Variants in CFDP1 observed in about 807,000 individuals in gnomAD.
CFDP1 encodes the protein heterochromatin-stabilizing protein CFDP1.
CFDP1 carries 31 observed loss-of-function variants against 40.1 expected under a neutral mutation model. That is an observed-to-expected ratio of 0.77 (90% CI 0.58 to 1.04). The LOEUF (loss-of-function observed/expected upper bound fraction) is 1.04, where lower values mean the gene tolerates loss of function less well. Among genes scored for constraint, CFDP1 ranks in the 50% least tolerant of loss-of-function variants. CFDP1 has a pLI of 0.00. For missense variants in CFDP1, 423 were observed against 343.4 expected, an observed-to-expected ratio of 1.23 and a Z score of -1.83; for synonymous variants, 167 against 120.0, an observed-to-expected ratio of 1.39 and a Z score of -2.56.
chr16:75,409,064 G>T (rs1424487776), intron 4 of CFDP1, among the ~76,000 whole-genome samples: 3 of 151,740 alleles, frequency 2.0e-5, no homozygotes, highest in East Asian at 1.9e-4. Flanking sequence ...TCATCATGTT[G>T]TTCAGGCTGG....
In CFDP1 at chr16:75,370,346, G is replaced by T. The variant is rs540937154; in HGVS notation, c.650+24744C>A. Among the ~76,000 whole-genome samples, 42 of 152,122 alleles carry T rather than the reference G, an allele frequency of 2.8e-4. No individual in the cohort carries two copies. In the South Asian group the frequency reaches 3.7e-3, roughly 14 times the overall value. ...GACCTCAGGTGATCCACTGACCTTGGCCTCCCAAAGTGCTGGGATTACCAA... is the reference window on the plus strand; with the variant it reads ...GACCTCAGGTGATCCACTGACCTTGTCCTCCCAAAGTGCTGGGATTACCAA... On this transcript the variant is annotated intron_variant, in intron 5 of 6. Coordinates refer to ENST00000283882, the MANE Select transcript of CFDP1 (RefSeq NM_006324.3).
At position 75,414,565 on chromosome 16, in the gene CFDP1, A is replaced by C. The variant is rs779376610; in HGVS notation, c.182+13T>G. The C allele has an allele frequency of 6.5e-7, 1 of 1,540,588 alleles. No individual in the cohort carries two copies. Among genetic ancestry groups the C allele is most frequent in the Non-Finnish European group, 9.0e-7 (1 of 1,113,248 alleles). Reference sequence around the variant, plus strand: ...TAGCCCCTAACTTCTAAGGGCCTTGAAGGCAGCATCACCTGGCTGGAATGC... The same window carrying C: ...TAGCCCCTAACTTCTAAGGGCCTTGCAGGCAGCATCACCTGGCTGGAATGC... On this transcript the variant is annotated intron_variant, in intron 2 of 6. Coordinates refer to ENST00000283882, the MANE Select transcript of CFDP1 (RefSeq NM_006324.3).
At chr16:75,376,414 C>T (rs2078797022) in intron 5 of CFDP1, among the ~76,000 whole-genome samples, 1 of 152,096 alleles carries the variant, frequency 6.6e-6, no homozygotes, top group African/African-American at 2.4e-5. Context: ...AGCAATGAAC[C>T]ACTGATATAC....
intron 5 of CFDP1, among the ~76,000 whole-genome samples, chr16:75,356,886 T>C (rs1233847878): frequency 6.6e-6 from 1 of 151,578 alleles, no homozygotes; most frequent in Admixed American, 6.6e-5. Context: ...TGTACTTCCA[T>C]GTTATGGAAA....
chr16:75,412,068 T>G lies in CFDP1; in HGVS notation c.403-116A>C, dbSNP rs867493388. On this transcript the variant is annotated intron_variant, in intron 3 of 6. Transcript: ENST00000283882. ...TCTCACTCTGTAGCCCAAGCTGGAG[T>G]GCAGTAACACAATCTTGGCTCACTG... 1.2e-5 allele frequency: 13 copies of G among 1,097,630 alleles called. No individual in the cohort carries two copies. The South Asian group carries it at 1.7e-4, about 14-fold the overall frequency. 68.0% of individuals were successfully genotyped at this position (1,097,630 alleles called of 1,614,324 possible). A position where few individuals can be genotyped will look rare whatever the true frequency, so the allele number is the denominator to read the frequency against.
chr16:75,376,047 C>A (rs2078792778), intron 5 of CFDP1, among the ~76,000 whole-genome samples: 1 of 152,028 alleles, frequency 6.6e-6, no homozygotes, highest in Admixed American at 6.6e-5. Flanking sequence ...CCCATCTCTA[C>A]AAAAAAATTA....
At chr16:75,408,333 G>A (rs904796695) in intron 4 of CFDP1, among the ~76,000 whole-genome samples, 6 of 152,022 alleles carry the variant, frequency 3.9e-5, no homozygotes, top group Non-Finnish European at 8.8e-5. Context: ...CTGTGTGAAG[G>A]ATGGAAGGGT....
At chr16:75,343,472 G>A (rs2078540609) in intron 5 of CFDP1, among the ~76,000 whole-genome samples, 1 of 152,124 alleles carries the variant, frequency 6.6e-6, no homozygotes, top group Non-Finnish European at 1.5e-5. Flanking sequence ...TCATGTAGAT[G>A]AGAAACAAAC....
intron 1 of CFDP1, among the ~76,000 whole-genome samples, chr16:75,427,030 G>A (rs1380674325): frequency 7.0e-6 from 1 of 143,780 alleles, no homozygotes; most frequent in Admixed American, 7.3e-5. Context: ...ACTCCAGCCT[G>A]GGGGACAGCG....
intron 5 of CFDP1, among the ~76,000 whole-genome samples, chr16:75,341,486 T>G (rs1432775096): frequency 1.3e-5 from 2 of 152,178 alleles, no homozygotes; most frequent in Admixed American, 6.5e-5. Flanking sequence ...AAGAGAAGAT[T>G]GGTAGTTTTT....
intron 6 of CFDP1, among the ~76,000 whole-genome samples, chr16:75,299,872 C>A (rs2078210303): frequency 6.6e-6 from 1 of 152,064 alleles, no homozygotes; most frequent in South Asian, 2.1e-4. Flanking sequence ...GGTGGGGGTA[C>A]TCTAGAGTGC....
chr16:75,426,914 G>T (rs572693399), intron 1 of CFDP1, among the ~76,000 whole-genome samples: 1 of 151,978 alleles, frequency 6.6e-6, no homozygotes, highest in South Asian at 2.1e-4. Flanking sequence ...AATTAGCTGG[G>T]TGTGGTGGCG....
intron 1 of CFDP1, among the ~76,000 whole-genome samples, chr16:75,423,765 C>T (rs1018823384): frequency 6.6e-6 from 1 of 152,266 alleles, no homozygotes; most frequent in Non-Finnish European, 1.5e-5. Flanking sequence ...CCGCCCACCT[C>T]GGCCTCCCAG....
intron 5 of CFDP1, among the ~76,000 whole-genome samples, chr16:75,356,098 G>C (rs1008131717): frequency 7.9e-5 from 12 of 152,128 alleles, no homozygotes; most frequent in African/African-American, 2.7e-4. Flanking sequence ...AATCACAAAT[G>C]TTCTTAATGG....
intron 5 of CFDP1, among the ~76,000 whole-genome samples, chr16:75,357,114 T>C (rs2078649860): frequency 2.0e-5 from 3 of 152,214 alleles, no homozygotes; most frequent in East Asian, 1.9e-4. Flanking sequence ...GCTTTTGCCA[T>C]GTTGGCGAGG....
At position 75,405,903 on chromosome 16, in the gene CFDP1, A is replaced by G. The variant is rs1399347927; in HGVS notation, c.530+5922T>C. 5.3e-5 allele frequency among the ~76,000 whole-genome samples: 8 copies of G among 151,032 alleles called. No homozygotes were observed. In the East Asian group the frequency reaches 1.4e-3, roughly 26 times the overall value. ...CACTGCACTCCAGCCTGGGTGACAG[A>G]GCAAAACCCCGTCTCCAAAAAAAAA... is the stretch of plus-strand genomic sequence containing the variant. On this transcript the variant is annotated intron_variant, in intron 4 of 6. Transcript: ENST00000283882.
intron 5 of CFDP1, among the ~76,000 whole-genome samples, chr16:75,339,347 TTC>T (rs1175011039): frequency 6.6e-6 from 1 of 152,206 alleles, no homozygotes; most frequent in African/African-American, 2.4e-5. Flanking sequence ...ATAAAAATCA[TTC>T]TTTTTTCTTA....
chr16:75,413,707 T>G (rs1219715221), intron 2 of CFDP1, among the ~76,000 whole-genome samples: 1 of 152,222 alleles, frequency 6.6e-6, no homozygotes, highest in African/African-American at 2.4e-5. Flanking sequence ...TGCTTTTTGC[T>G]TCAATGCCCA....
At chr16:75,397,397 T>C (rs11862582) in intron 4 of CFDP1, among the ~76,000 whole-genome samples, 79,208 of 151,310 alleles carry the variant, frequency 0.52, 21,667 homozygotes, top group Admixed American at 0.64. Flanking sequence ...TGCCTGTAAC[T>C]CCAGCTACTT....
Sources: allele counts gnomAD v4.1 joint callset (sites outside exome capture counted in the v4.1 genomes callset), GRCh38; gene constraint gnomAD v4.1.1; transcripts MANE v1.5; gene names NCBI Gene and HGNC (gene_info 2026-07-23, HGNC 2026-07-21).